The following EDF1 variants were observed in gnomAD, a reference collection of about 807,000 sequenced individuals.
EDF1 encodes endothelial differentiation-related factor 1.
A neutral mutation model predicts 20.8 loss-of-function variants in EDF1; 5 were observed. The observed-to-expected ratio is 0.24, with a 90% CI of 0.13 to 0.51. The LOEUF (loss-of-function observed/expected upper bound fraction) is 0.51, where lower values mean the gene tolerates loss of function less well. Among genes scored for constraint, EDF1 ranks in the 20% least tolerant of loss-of-function variants. EDF1 has a pLI of 0.97. For synonymous variants in EDF1, 96 were observed against 78.5 expected, an observed-to-expected ratio of 1.22 and a Z score of -1.18; for missense variants, 137 against 197.8, an observed-to-expected ratio of 0.69 and a Z score of 1.84.
At chr9:136,864,120 A>T (rs890125757) in intron 1 of EDF1, among the ~76,000 whole-genome samples, 1 of 152,138 alleles carries the variant, frequency 6.6e-6, no homozygotes, top group Non-Finnish European at 1.5e-5. Context: ...CAGCCTGGGC[A>T]ACACAGCAAG....
intron 1 of EDF1, among the ~76,000 whole-genome samples, chr9:136,865,921 C>T (rs1246949052): frequency 6.6e-6 from 1 of 151,178 alleles, no homozygotes; most frequent in South Asian, 2.1e-4. Flanking sequence ...GTCGCCCGCC[C>T]CCTGCCTCCT....
Position 136,862,654 on chromosome 9 carries a change from A to T in EDF1, c.385+252T>A. ...GCTCAGGCTCAGAGAACCATCGCCA[A>T]CAGCACAGGCTGACGGGAACTGGCA... On this transcript the variant is annotated intron_variant, in intron 4 of 4. Coordinates refer to ENST00000224073, the MANE Select transcript of EDF1 (RefSeq NM_003792.4). This position sits in a 1 kb window ranked among gnomAD's most constrained non-coding sequence, Gnocchi z 4.1. 1 of 1,495,398 alleles carries T rather than the reference A, an allele frequency of 6.7e-7. No homozygotes were observed. Among genetic ancestry groups the T allele is most frequent in the East Asian group, 2.4e-5 (1 of 40,866 alleles). 92.6% of individuals were successfully genotyped at this position (1,495,398 alleles called of 1,614,324 possible). A position where few individuals can be genotyped will look rare whatever the true frequency, so the allele number is the denominator to read the frequency against.
chr9:136,862,634 G>C lies in EDF1; in HGVS notation c.385+272C>G. ...ACAGGGCCCGGACCCGCTGTGCTCAGGCTCAGAGAACCATCGCCAACAGCA... is the reference window on the plus strand; with the variant it reads ...ACAGGGCCCGGACCCGCTGTGCTCACGCTCAGAGAACCATCGCCAACAGCA... On this transcript the variant is annotated intron_variant, in intron 4 of 4. Coordinates refer to ENST00000224073, the MANE Select transcript of EDF1 (RefSeq NM_003792.4). This position sits in a 1 kb window ranked among gnomAD's most constrained non-coding sequence, Gnocchi z 4.1. 10 of 1,506,028 alleles carry C rather than the reference G, an allele frequency of 6.6e-6. No individual in the cohort carries two copies. The highest frequency in any genetic ancestry group is 8.8e-6 in the Non-Finnish European group (10 of 1,133,154). The allele number at this position is 1,506,028 out of a possible 1,614,324, so 93.3% of individuals were successfully genotyped here. A position where few individuals can be genotyped will look rare whatever the true frequency, so the allele number is the denominator to read the frequency against.
Position 136,862,381 on chromosome 9 carries a change from C to T in EDF1, c.386-36G>A. 2.5e-6 allele frequency: 4 copies of T among 1,614,056 alleles called. No individual in the cohort carries two copies. The highest frequency in any genetic ancestry group is 3.4e-6 in the Non-Finnish European group (4 of 1,180,010). ...CCACAGCCACTGGCCACTGCAGCAC[C>T]AGCTCCCTCCTCCCCCCAACGCTGC... On this transcript the variant is annotated intron_variant, in intron 4 of 4. Transcript: ENST00000224073. The surrounding 1 kb of genome is among the most constrained non-coding windows in gnomAD (Gnocchi z 4.1).
At chr9:136,865,049 G>T (rs1008270656) in intron 1 of EDF1, among the ~76,000 whole-genome samples, 3 of 152,206 alleles carry the variant, frequency 2.0e-5, no homozygotes, top group African/African-American at 7.2e-5. Flanking sequence ...TAAAAGAAAA[G>T]GAGAGTGAAT....
Position 136,863,506 on chromosome 9 carries a change from A to G in EDF1, c.131-58T>C, listed in dbSNP as rs567035760. ...GGATTTGGAATTAACCTGAAGAAAA[A>G]CCATTTCAAAGCGGTAACCAGACCC... On this transcript the variant is annotated intron_variant, in intron 2 of 4. Coordinates refer to ENST00000224073, the MANE Select transcript of EDF1 (RefSeq NM_003792.4). This position sits in a 1 kb window ranked among gnomAD's most constrained non-coding sequence, Gnocchi z 4.5. 63 of 1,569,430 alleles carry G rather than the reference A, an allele frequency of 4.0e-5. No individual in the cohort carries two copies. The East Asian group carries it at 1.3e-3, about 33-fold the overall frequency.
chr9:136,864,073 G>A (rs1397594048), intron 1 of EDF1, among the ~76,000 whole-genome samples: 1 of 152,058 alleles, frequency 6.6e-6, no homozygotes, highest in African/African-American at 2.4e-5. Flanking sequence ...TTGGGAAACC[G>A]AAGTAGCAGG....
intron 1 of EDF1, 140 bp downstream of exon 1, chr9:136,866,041 G>A (rs1195909057): frequency 2.0e-4 from 48 of 239,752 alleles, no homozygotes; most frequent in Admixed American, 1.0e-3. Flanking sequence ...TCCTGCCCCC[G>A]GCACCCCAGC....
In EDF1 at chr9:136,866,246, C is replaced by G; in HGVS notation, c.13G>C (p.Asp5His). ...CGCAGCACCGTCACCGTGTCCCAGT[C>G]GCTCTCGGCCATGGCGGGCGAAGAC... MAESDWDTVTVLRKK... is the reference protein window; with the variant it reads MAESHWDTVTVLRKK... The change falls in exon 1 of 5, where the codon GAC becomes CAC. Residue 5 changes from aspartate to histidine, a missense_variant. Coordinates refer to ENST00000224073, the MANE Select transcript of EDF1 (RefSeq NM_003792.4). The G allele has an allele frequency of 6.3e-7, 1 of 1,599,366 alleles. No homozygotes were observed. The highest frequency in any genetic ancestry group is 8.5e-7 in the Non-Finnish European group (1 of 1,175,110).
chr9:136,865,038 T>G (rs1422450312), intron 1 of EDF1, among the ~76,000 whole-genome samples: 3 of 152,284 alleles, frequency 2.0e-5, no homozygotes, highest in African/African-American at 7.2e-5. Flanking sequence ...TAAGTTTCCT[T>G]TAAAAGAAAA....
In EDF1 at chr9:136,863,326, G is replaced by A. The variant is rs1198777860; in HGVS notation, c.253C>T (p.Arg85Trp). The A allele has an allele frequency of 6.2e-6, 10 of 1,613,784 alleles. No homozygotes were observed. Among genetic ancestry groups the A allele is most frequent in the African/African-American group, 1.3e-5 (1 of 74,914 alleles). Residue 85 changes from arginine to tryptophan, a missense_variant, in exon 3 of 5, where the codon CGG (arginine) becomes TGG (tryptophan). Coordinates refer to ENST00000224073, the MANE Select transcript of EDF1 (RefSeq NM_003792.4). The surrounding 1 kb of genome is among the most constrained non-coding windows in gnomAD (Gnocchi z 4.5). ...TTCTGCGTAAGCCCCTTGCTCTGCC[G>A]ACCTTGCTGGATCACCTTGCCCACC... ...LEVGKVIQQGRQSKGLTQKDL... is the reference protein window; with the variant it reads ...LEVGKVIQQGWQSKGLTQKDL...
intron 1 of EDF1, among the ~76,000 whole-genome samples, chr9:136,865,691 T>G (rs1389805178): frequency 7.2e-6 from 1 of 138,854 alleles, no homozygotes; most frequent in African/African-American, 2.7e-5. Context: ...TCTCCATCCC[T>G]GCCCCCGTTC....
Position 136,866,148 on chromosome 9 carries a change from C to A in EDF1, c.78+33G>T, listed in dbSNP as rs753303002. ...TGGCCCCGGCCCAGCGTCCGCCCCG[C>A]CCGGCCCGGCCGCTCCTCAGTCAGC... On this transcript the variant is annotated intron_variant, in intron 1 of 4. Coordinates refer to ENST00000224073, the MANE Select transcript of EDF1 (RefSeq NM_003792.4). 5 of 1,577,610 alleles carry A rather than the reference C, an allele frequency of 3.2e-6. No homozygotes were observed. In the Admixed American group the frequency reaches 7.1e-5, roughly 22 times the overall value.
chr9:136,863,530 C>CCCAGAGGCTG lies in EDF1; in HGVS notation c.131-92_131-83dup, dbSNP rs1311617750. ...AACCATTTCAAAGCGGTAACCAGAC[C>CCCAGAGGCTG]CCAGAGGCTGCCTGAACTCAAGGGG... On this transcript the variant is annotated intron_variant, in intron 2 of 4. Transcript: ENST00000224073. This position sits in a 1 kb window ranked among gnomAD's most constrained non-coding sequence, Gnocchi z 4.5. 6.6e-6 allele frequency: 10 copies of CCCAGAGGCTG among 1,506,042 alleles called. No individual in the cohort carries two copies. Among genetic ancestry groups the CCCAGAGGCTG allele is most frequent in the Non-Finnish European group, 8.9e-6 (10 of 1,121,500 alleles). 93.3% of individuals were successfully genotyped at this position (1,506,042 alleles called of 1,614,324 possible).
Position 136,862,857 on chromosome 9 carries a change from G to T in EDF1, c.385+49C>A. On this transcript the variant is annotated intron_variant, in intron 4 of 4. Transcript: ENST00000224073. This position sits in a 1 kb window ranked among gnomAD's most constrained non-coding sequence, Gnocchi z 4.1. Reference sequence around the variant, plus strand: ...CTCTCACCAACCCCAGCTGGGAGCGGGTAGCCTCCCTGTTCAGCGGACCCG... The same window carrying T: ...CTCTCACCAACCCCAGCTGGGAGCGTGTAGCCTCCCTGTTCAGCGGACCCG... 1 of 1,612,044 alleles carries T rather than the reference G, an allele frequency of 6.2e-7. No individual in the cohort carries two copies. The highest frequency in any genetic ancestry group is 8.5e-7 in the Non-Finnish European group (1 of 1,179,958).
chr9:136,862,828 C>A lies in EDF1; in HGVS notation c.385+78G>T. 6.2e-7 allele frequency: 1 copy of A among 1,611,348 alleles called. No homozygotes were observed. The highest frequency in any genetic ancestry group is 1.1e-5 in the South Asian group (1 of 90,996). ...CCAGGGCCATCTTCTTCCCCCGAGT[C>A]CCACTCTCACCAACCCCAGCTGGGA... is the stretch of plus-strand genomic sequence containing the variant. On this transcript the variant is annotated intron_variant, in intron 4 of 4. Transcript: ENST00000224073. The surrounding 1 kb of genome is among the most constrained non-coding windows in gnomAD (Gnocchi z 4.1).
rs573443575 is a variant in EDF1 at position 136,863,712 on chromosome 9, C to T, written c.130+108G>A. On this transcript the variant is annotated intron_variant, in intron 2 of 4. Coordinates refer to ENST00000224073, the MANE Select transcript of EDF1 (RefSeq NM_003792.4). This position sits in a 1 kb window ranked among gnomAD's most constrained non-coding sequence, Gnocchi z 4.5. ...GGGCTCCGGCCAGCACCGGTGCAGG[C>T]AGGCACTCAGCTGACAACGTCCCCG... The T allele has an allele frequency of 2.2e-5, 31 of 1,392,482 alleles. No homozygotes were observed. In the African/African-American group the frequency reaches 3.5e-4, roughly 16 times the overall value. 86.3% of individuals were successfully genotyped at this position (1,392,482 alleles called of 1,614,324 possible). A position where few individuals can be genotyped will look rare whatever the true frequency, so the allele number is the denominator to read the frequency against.
chr9:136,863,953 A>C lies in EDF1; in HGVS notation c.79-82T>G. ...CACCAATTCAGGCCTGCTGTTAGCC[A>C]GTTAGCACACTGCTAAGGACTAGTG... On this transcript the variant is annotated intron_variant, in intron 1 of 4. Coordinates refer to ENST00000224073, the MANE Select transcript of EDF1 (RefSeq NM_003792.4). This position sits in a 1 kb window ranked among gnomAD's most constrained non-coding sequence, Gnocchi z 4.5. 6.9e-7 allele frequency: 1 copy of C among 1,454,136 alleles called. No homozygotes were observed. The allele number at this position is 1,454,136 out of a possible 1,614,324, so 90.1% of individuals were successfully genotyped here. A position where few individuals can be genotyped will look rare whatever the true frequency, so the allele number is the denominator to read the frequency against.
chr9:136,862,800 C>G lies in EDF1; in HGVS notation c.385+106G>C, dbSNP rs1849130704. ...GCTCCAGAATTCAGAGAACAGGGGA[C>G]CCCCAGGGCCATCTTCTTCCCCCGA... On this transcript the variant is annotated intron_variant, in intron 4 of 4. Coordinates refer to ENST00000224073, the MANE Select transcript of EDF1 (RefSeq NM_003792.4). The surrounding 1 kb of genome is among the most constrained non-coding windows in gnomAD (Gnocchi z 4.1). 6.2e-7 allele frequency: 1 copy of G among 1,609,054 alleles called. No individual in the cohort carries two copies. The highest frequency in any genetic ancestry group is 1.3e-5 in the African/African-American group (1 of 74,822).
Sources: gnomAD v4.1 joint callset for allele counts (sites outside exome capture counted in the v4.1 genomes callset) on GRCh38, gnomAD v4.1.1 for gene constraint, Gnocchi (gnomAD v3.1) non-coding constraint, MANE v1.5 for transcripts, NCBI Gene and HGNC (gene_info 2026-07-23, HGNC 2026-07-21) for gene names.